The following CUX1 variants were observed in gnomAD, a reference collection of about 807,000 sequenced individuals.
CUX1 encodes the protein cut like homeobox 1, also known as protein CASP.
CUX1 carries 31 observed loss-of-function variants against 158.8 expected under a neutral mutation model. The observed-to-expected ratio is 0.20, with a 90% confidence interval of 0.15 to 0.26. The LOEUF is 0.26. Among genes scored for constraint, CUX1 ranks in the 10% least tolerant of loss-of-function variants. CUX1 has a pLI of 1.00. For synonymous variants in CUX1, 879 were observed against 862.1 expected, an observed-to-expected ratio of 1.02 and a Z score of -0.34; for missense variants, 1,589 against 2,014.6, an observed-to-expected ratio of 0.79 and a Z score of 4.04.
chr7:102,088,526 C>T (rs552140823), intron 4 of CUX1, among the ~76,000 whole-genome samples: 37 of 152,016 alleles, frequency 2.4e-4, no homozygotes, highest in African/African-American at 7.2e-4. Context: ...CCCAGCTACT[C>T]GGGAGGCTGA....
At chr7:101,817,306 C>T (rs1791955031), upstream of CUX1, 12 of 984,552 alleles carry the variant, frequency 1.2e-5, no homozygotes, top group African/African-American at 1.7e-5. This position sits in a 1 kb window ranked among gnomAD's most constrained non-coding sequence, Gnocchi z 4.1. Flanking sequence ...CCTTGCGTCC[C>T]CTCGGGGCTT....
intron 1 of CUX1, among the ~76,000 whole-genome samples, chr7:101,861,244 A>C (rs1409598467): frequency 6.6e-6 from 1 of 152,100 alleles, no homozygotes; most frequent in African/African-American, 2.4e-5. Context: ...TGCGCCCACC[A>C]GTCCTTGCAC....
chr7:102,126,574 T>C (rs1434544619), intron 8 of CUX1, among the ~76,000 whole-genome samples: 2 of 152,156 alleles, frequency 1.3e-5, no homozygotes, highest in Non-Finnish European at 2.9e-5. Context: ...GTCTAAAATG[T>C]GTTTAGCACA....
intron 4 of CUX1, among the ~76,000 whole-genome samples, chr7:102,070,737 A>G (rs1826032875): frequency 6.6e-6 from 1 of 152,180 alleles, no homozygotes; most frequent in African/African-American, 2.4e-5. Context: ...TGATGTGTGT[A>G]TGCTGTGTGG....
chr7:101,838,143 T>A (rs887540395), intron 1 of CUX1, among the ~76,000 whole-genome samples: 3 of 151,172 alleles, frequency 2.0e-5, no homozygotes, highest in African/African-American at 7.3e-5. Context: ...TTTTTTTTTT[T>A]AAATGACACA....
Position 102,250,235 on chromosome 7 carries a change from G to A in CUX1, c.*1193G>A, listed in dbSNP as rs1227423219. On this transcript the variant is annotated 3_prime_UTR_variant, in exon 24 of 24. Transcript: ENST00000292535. ...TTATGGTGTCTCAATCTGTCTGTGCGTCTGCACGTGTGCAAGCATTGAAAG... is the reference window on the plus strand; with the variant it reads ...TTATGGTGTCTCAATCTGTCTGTGCATCTGCACGTGTGCAAGCATTGAAAG... The A allele has an allele frequency of 1.4e-5, 14 of 985,256 alleles. No homozygotes were observed. The highest frequency in any genetic ancestry group is 1.6e-5 in the Non-Finnish European group (13 of 829,942). 61.0% of individuals were successfully genotyped at this position (985,256 alleles called of 1,614,324 possible).
intron 2 of CUX1, among the ~76,000 whole-genome samples, chr7:102,001,773 G>A (rs545595131): frequency 4.6e-5 from 7 of 152,332 alleles, no homozygotes; most frequent in South Asian, 2.1e-4. Context: ...CTTGATAAGC[G>A]TGTGCTGAGC....
intron 1 of CUX1, chr7:101,822,552 G>T (rs1792780151): frequency 6.6e-6 from 1 of 152,194 alleles, no homozygotes. Context: ...TTTTTAAAAA[G>T]CATTTGTGCT....
At chr7:102,059,331 C>A (rs1285711637) in intron 3 of CUX1, among the ~76,000 whole-genome samples, 2 of 152,120 alleles carry the variant, frequency 1.3e-5, no homozygotes, top group Non-Finnish European at 2.9e-5. Context: ...TAGTTTTCCT[C>A]TTAGAAACTT....
At chr7:102,012,712 A>C (rs78351382) in intron 2 of CUX1, among the ~76,000 whole-genome samples, 51,068 of 134,906 alleles carry the variant, frequency 0.38, 9,615 homozygotes, top group Non-Finnish European at 0.43. Flanking sequence ...GGGCGGGGGG[A>C]GGGGGTTGTC....
chr7:102,055,672 GA>G (rs1824047037), intron 3 of CUX1, among the ~76,000 whole-genome samples: 1 of 152,080 alleles, frequency 6.6e-6, no homozygotes, highest in South Asian at 2.1e-4. Context: ...CAACAATATT[GA>G]AATTAGGCAA....
intron 23 of CUX1, among the ~76,000 whole-genome samples, chr7:102,244,947 T>TA (rs1800644273): frequency 6.6e-6 from 1 of 152,212 alleles, no homozygotes; most frequent in South Asian, 2.1e-4. Flanking sequence ...AAATCTAGGC[T>TA]AAAAAGGATG....
chr7:101,895,899 TTTG>T (rs1562974940), intron 1 of CUX1, among the ~76,000 whole-genome samples: 2 of 68,362 alleles, frequency 2.9e-5, no homozygotes, highest in African/African-American at 7.1e-5. Flanking sequence ...AAGTTTTTTT[TTTG>T]TTTTTGTTTT....
intron 1 of CUX1, among the ~76,000 whole-genome samples, chr7:101,863,516 A>G (rs189339401): frequency 2.6e-5 from 4 of 152,202 alleles, no homozygotes; most frequent in Admixed American, 1.3e-4. Context: ...ATACCCAGCT[A>G]ATTTTTATAT....
Position 102,249,547 on chromosome 7 carries a change from GTCC to G in CUX1, c.*510_*512del. ...AATAACTCTTACAGCTTTGCCTTGT[GTCC>G]TCCTGTTCCGTGTGGGCTTTAAAAG... On this transcript the variant is annotated 3_prime_UTR_variant, in exon 24 of 24. Transcript: ENST00000292535. 3.0e-6 allele frequency: 3 copies of G among 985,738 alleles called. No individual in the cohort carries two copies. Among genetic ancestry groups the G allele is most frequent in the Non-Finnish European group, 3.6e-6 (3 of 829,934 alleles). The allele number at this position is 985,738 out of a possible 1,614,324, so 61.1% of individuals were successfully genotyped here.
Position 102,257,974 on chromosome 7 carries a change from T to G in CUX1, c.*8932T>G, listed in dbSNP as rs1257047967. ...CTGTGTGACATCTCTCTGGTAACAT[T>G]TTATTTCTTGCTATTTGTTTTTCTA... On this transcript the variant is annotated 3_prime_UTR_variant, in exon 24 of 24. Coordinates refer to ENST00000292535, the MANE Select transcript of CUX1 (RefSeq NM_181552.4). 1.0e-6 allele frequency: 1 copy of G among 984,354 alleles called. No homozygotes were observed. Among genetic ancestry groups the G allele is most frequent in the Admixed American group, 6.2e-5 (1 of 16,158 alleles). The allele number at this position is 984,354 out of a possible 1,614,324, so 61.0% of individuals were successfully genotyped here.
At chr7:101,908,450 T>TTTTGTTTGTTGG (rs112158397) in intron 1 of CUX1, among the ~76,000 whole-genome samples, 1 of 150,176 alleles carries the variant, frequency 6.7e-6, no homozygotes, top group Non-Finnish European at 1.5e-5. Context: ...CCAGCCTGTT[T>TTTTGTTTGTTGG]TTTGTTTGTT....
intron 1 of CUX1, among the ~76,000 whole-genome samples, chr7:101,835,315 C>T (rs904895877): frequency 8.5e-5 from 13 of 152,214 alleles, no homozygotes; most frequent in Admixed American, 3.9e-4. Context: ...TTGACTCATG[C>T]ACCTGTCTGG....
At chr7:102,202,647 A>G (rs1371061113) in intron 18 of CUX1, among the ~76,000 whole-genome samples, 1 of 152,144 alleles carries the variant, frequency 6.6e-6, no homozygotes, top group Non-Finnish European at 1.5e-5. Context: ...ACACAGAGGG[A>G]CCACCAGTAC....
Sources: allele counts gnomAD v4.1 joint callset (sites outside exome capture counted in the v4.1 genomes callset), GRCh38; gene constraint gnomAD v4.1.1; non-coding constraint Gnocchi (gnomAD v3.1); transcripts MANE v1.5; gene names NCBI Gene and HGNC (gene_info 2026-07-23, HGNC 2026-07-21).